Variants in PUM3 observed in about 807,000 individuals in gnomAD.
The protein encoded by PUM3 is pumilio homolog 3.
A neutral mutation model predicts 84.0 loss-of-function variants in PUM3; 91 were observed. The observed-to-expected ratio is 1.08, with a 90% CI of 0.91 to 1.29. The LOEUF is 1.29. Among genes scored for constraint, PUM3 ranks in the 50% most tolerant of loss-of-function variants. PUM3 has a pLI of 0.00. For missense variants in PUM3, 1,067 were observed against 767.5 expected, an observed-to-expected ratio of 1.39 and a Z score of -4.61; for synonymous variants, 321 against 266.7, an observed-to-expected ratio of 1.20 and a Z score of -1.98.
intron 1 of PUM3, among the ~76,000 whole-genome samples, chr9:2,843,572 T>C (rs1386768709): frequency 7.0e-6 from 1 of 141,906 alleles, no homozygotes; most frequent in African/African-American, 2.6e-5. Context: ...GTCCCGCCCT[T>C]CTTTTTTTTT....
chr9:2,824,033 A>G (rs760192484), intron 11 of PUM3, among the ~76,000 whole-genome samples, 199 bp from the exon 12 acceptor site: 41 of 151,834 alleles, frequency 2.7e-4, no homozygotes, highest in Non-Finnish European at 5.0e-4. Flanking sequence ...ACAAGCTTAG[A>G]TGTGTATGTG....
Position 2,830,902 on chromosome 9 carries a change from T to G in PUM3, c.677+60A>C, listed in dbSNP as rs73377858. Reference sequence around the variant, plus strand: ...CTTCCTATCTCGCATCTGAGCACAGTTGGAAACCATGTCTTCAAAAGACAA... The same window carrying G: ...CTTCCTATCTCGCATCTGAGCACAGGTGGAAACCATGTCTTCAAAAGACAA... On this transcript the variant is annotated intron_variant, in intron 7 of 17. Coordinates refer to ENST00000397885, the MANE Select transcript of PUM3 (RefSeq NM_014878.5). The G allele has an allele frequency of 5.8e-6, 5 of 866,634 alleles. No individual in the cohort carries two copies. The East Asian group carries it at 1.0e-4, about 18-fold the overall frequency. 53.7% of individuals were successfully genotyped at this position (866,634 alleles called of 1,614,324 possible). A position where few individuals can be genotyped will look rare whatever the true frequency, so the allele number is the denominator to read the frequency against.
In PUM3 at chr9:2,816,686, T is replaced by A. The variant is rs112712403; in HGVS notation, c.1269+3332A>T. On this transcript the variant is annotated intron_variant, in intron 13 of 17. Transcript: ENST00000397885. The stretch of plus-strand genomic sequence containing the variant: ...GTCTCACACCTGGCCTGGCCACTCA[T>A]TTACCTATCTGGTCAATGAAGGTTT... Among the ~76,000 whole-genome samples, 1,289 of 152,234 alleles carry A rather than the reference T, an allele frequency of 8.5e-3. 28 individuals are homozygous for A. The highest frequency in any genetic ancestry group is 0.03 in the African/African-American group (1,244 of 41,550).
chr9:2,822,755 T>C (rs1335861057), intron 12 of PUM3, among the ~76,000 whole-genome samples: 1 of 148,178 alleles, frequency 6.7e-6, no homozygotes, highest in Non-Finnish European at 1.5e-5. Flanking sequence ...ATATAATATA[T>C]AACATTATAA....
chr9:2,830,455 CCT>C (rs973137714), intron 7 of PUM3, among the ~76,000 whole-genome samples: 2 of 152,098 alleles, frequency 1.3e-5, no homozygotes, highest in Non-Finnish European at 2.9e-5. Context: ...ACCCACTGAC[CCT>C]CTATCAGTTT....
At chr9:2,825,004 C>T (rs1409133486) in intron 10 of PUM3, among the ~76,000 whole-genome samples, 189 bp from the exon 11 acceptor site, 1 of 152,130 alleles carries the variant, frequency 6.6e-6, no homozygotes, top group Non-Finnish European at 1.5e-5. Context: ...TCTTTTCCAT[C>T]AAGAGCAGTA....
At chr9:2,831,165 G>T in intron 6 of PUM3, 86 bp downstream of exon 6, 1 of 1,102,580 alleles carries the variant, frequency 9.1e-7, no homozygotes, top group Non-Finnish European at 1.3e-6. Flanking sequence ...AACAAAAATT[G>T]TTTTCTAGGA....
chr9:2,837,424 G>C, intron 2 of PUM3, 23 bp from the exon 3 acceptor site: 1 of 1,490,916 alleles, frequency 6.7e-7, no homozygotes, highest in South Asian at 1.2e-5. Flanking sequence ...ATAATTATAA[G>C]TTCAATGATT....
rs1402792016 is a variant in PUM3, at chr9:2,811,462, A to G, written c.1534T>C (p.Ser512Pro). 6.2e-7 allele frequency: 1 copy of G among 1,614,188 alleles called. No individual in the cohort carries two copies. The highest frequency in any genetic ancestry group is 1.7e-5 in the Admixed American group (1 of 60,020). The change falls in exon 15 of 18, where the codon TCT (serine) becomes CCT (proline). Residue 512 changes from serine (S) to proline (P), a missense_variant. Transcript: ENST00000397885. ...VLDKSACVLVSDILGSATGDV... is the reference protein window; with the variant it reads ...VLDKSACVLVPDILGSATGDV... ...CCAGTGGCAGATCCCAGAATGTCAG[A>G]CACCAACACACACGCAGACTTATCT...
chr9:2,838,510 TAGC>T lies in PUM3; in HGVS notation c.-6_-4del. The T allele has an allele frequency of 6.2e-7, 1 of 1,612,310 alleles. No individual in the cohort carries two copies. The highest frequency in any genetic ancestry group is 8.5e-7 in the Non-Finnish European group (1 of 1,178,488). ...TGCTTTTTCCCTTTAACTTCCATCG[TAGC>T]AACTCTGGAAAACCAAAACCAAAAC... On this transcript the variant is annotated 5_prime_UTR_variant, in exon 2 of 18. Transcript: ENST00000397885.
chr9:2,828,162 C>A (rs1007299767), intron 9 of PUM3, among the ~76,000 whole-genome samples: 14 of 152,176 alleles, frequency 9.2e-5, no homozygotes, highest in Non-Finnish European at 1.8e-4. Flanking sequence ...GCCTCTCAGC[C>A]TCCCAAGTAG....
intron 8 of PUM3, among the ~76,000 whole-genome samples, 184 bp from the exon 9 acceptor site, chr9:2,828,962 GTATC>G (rs1325625496): frequency 6.6e-6 from 1 of 152,202 alleles, no homozygotes; most frequent in Non-Finnish European, 1.5e-5. Context: ...CTCAGTCTGT[GTATC>G]TATCAGTGCA....
chr9:2,816,907 G>A (rs1214410926), intron 13 of PUM3, among the ~76,000 whole-genome samples: 1 of 152,208 alleles, frequency 6.6e-6, no homozygotes, highest in East Asian at 1.9e-4. Flanking sequence ...TGACATTTTG[G>A]GAAATCTAGT....
At chr9:2,814,041 C>G (rs1821420484) in intron 13 of PUM3, among the ~76,000 whole-genome samples, 1 of 29,172 alleles carries the variant, frequency 3.4e-5, no homozygotes, top group Non-Finnish European at 6.3e-5. Context: ...TTTCAGAGAG[C>G]TGAAAATTCA....
In PUM3 at chr9:2,831,351, G is replaced by C. The variant is rs1454472132; in HGVS notation, c.517-7C>G. 1 of 1,575,648 alleles carries C rather than the reference G, an allele frequency of 6.3e-7. No individual in the cohort carries two copies. Among genetic ancestry groups the C allele is most frequent in the Non-Finnish European group, 8.7e-7 (1 of 1,150,378 alleles). On this transcript the variant is annotated splice_region_variant and splice_polypyrimidine_tract_variant and intron_variant, in intron 5 of 17. Transcript: ENST00000397885. ...AATCGTGTGCAAATGCAATCTGCAG[G>C]AAAAAGTTTGAGTTAGACTAATTCT...
At chr9:2,810,762 T>C (rs1179703171) in intron 15 of PUM3, among the ~76,000 whole-genome samples, 1 of 152,230 alleles carries the variant, frequency 6.6e-6, no homozygotes, top group Non-Finnish European at 1.5e-5. Context: ...TATGTCATTC[T>C]CAGACACAAA....
intron 12 of PUM3, among the ~76,000 whole-genome samples, chr9:2,820,397 T>G (rs1265802792): frequency 6.6e-6 from 1 of 152,110 alleles, no homozygotes; most frequent in Non-Finnish European, 1.5e-5. Flanking sequence ...CATAGGTTAC[T>G]GTTAATGAAT....
rs1235207945 is a variant in PUM3 at position 2,810,360 on chromosome 9, T to C, written c.1707A>G (p.Lys569=). The C allele has an allele frequency of 6.2e-7, 1 of 1,606,816 alleles. No homozygotes were observed. Among genetic ancestry groups the C allele is most frequent in the East Asian group, 2.2e-5 (1 of 44,844 alleles). Reference sequence around the variant, plus strand: ...ATAGCCTACCTTCTCTCCCATTTTCTTTCATCTTTTTATCTTGCTCTATTA... The same window carrying C: ...ATAGCCTACCTTCTCTCCCATTTTCCTTCATCTTTTTATCTTGCTCTATTA... ...KWLIEQDKKM[K]ENGREGCFAK... Residue 569 remains lysine, a synonymous_variant, in exon 16 of 18, where the codon AAA becomes AAG. Transcript: ENST00000397885.
At chr9:2,818,154 G>A (rs759493863) in intron 13 of PUM3, among the ~76,000 whole-genome samples, 1 of 152,180 alleles carries the variant, frequency 6.6e-6, no homozygotes, top group Non-Finnish European at 1.5e-5. Context: ...TGTTTTTGTG[G>A]TGGATGAGTG....
Sources: gnomAD v4.1 joint callset for allele counts (sites outside exome capture counted in the v4.1 genomes callset) on GRCh38, gnomAD v4.1.1 for gene constraint, MANE v1.5 for transcripts, NCBI Gene and HGNC (gene_info 2026-07-23, HGNC 2026-07-21) for gene names.